Variants in HECW1 observed in about 807,000 individuals in gnomAD.
HECW1 encodes E3 ubiquitin-protein ligase HECW1.
A neutral mutation model predicts 182.3 loss-of-function variants in HECW1; 61 were observed. The ratio of observed to expected loss-of-function variants is 0.33; its 90% CI spans 0.27 to 0.41. HECW1 has a LOEUF of 0.41. Among genes scored for constraint, HECW1 ranks in the 10% least tolerant of loss-of-function variants. HECW1 has a pLI of 1.00. For synonymous variants in HECW1, 859 were observed against 832.6 expected (o/e 1.03, Z -0.55); for missense variants, 1,739 against 2,108.9 (o/e 0.82, Z 3.44).
rs1206355886 is a variant in HECW1, at chr7:43,445,095, C to T, written c.1923C>T (p.Ala641=). 6.2e-7 allele frequency: 1 copy of T among 1,605,068 alleles called. No homozygotes were observed. The highest frequency in any genetic ancestry group is 1.7e-5 in the Admixed American group (1 of 59,770). ...CCGGGGGCCACTTCCCCAGCCTGGC[C>T]AATGGCGCGGCCCAGGATGGCGACA... ...GHSGGHFPSL[A]NGAAQDGDTH... The change falls in exon 11 of 30, where the codon GCC becomes GCT. Residue 641 remains alanine (A), a synonymous_variant. Coordinates refer to ENST00000395891, the MANE Select transcript of HECW1 (RefSeq NM_015052.5).
intron 6 of HECW1, among the ~76,000 whole-genome samples, chr7:43,367,579 A>G (rs1466013946): frequency 2.0e-5 from 3 of 152,238 alleles, no homozygotes; most frequent in Non-Finnish European, 2.9e-5. Flanking sequence ...GATAAAACAC[A>G]ATAAAAGTAA....
chr7:43,193,232 T>C (rs550405818), intron 2 of HECW1, among the ~76,000 whole-genome samples: 178 of 152,318 alleles, frequency 1.2e-3, no homozygotes, highest in African/African-American at 4.0e-3. Context: ...CATCTTGGTT[T>C]TGGCAGGTTT....
At chr7:43,414,957 G>A (rs2075939178) in intron 8 of HECW1, among the ~76,000 whole-genome samples, 1 of 152,164 alleles carries the variant, frequency 6.6e-6, no homozygotes, top group Non-Finnish European at 1.5e-5. Context: ...GTATCAGAAT[G>A]ATGCTGGCCT....
chr7:43,319,605 T>G (rs1474929837), intron 4 of HECW1, among the ~76,000 whole-genome samples: 1 of 101,314 alleles, frequency 9.9e-6, no homozygotes, highest in Non-Finnish European at 1.9e-5. Context: ...TCTTTTCTTT[T>G]TTTTTTTTTT....
intron 24 of HECW1, among the ~76,000 whole-genome samples, chr7:43,515,619 T>C (rs751911541): frequency 6.6e-6 from 1 of 152,204 alleles, no homozygotes; most frequent in African/African-American, 2.4e-5. Context: ...CAAATACTTA[T>C]CAGTGCAAAG....
chr7:43,307,903 T>TATATATATAC (rs1562812084), intron 3 of HECW1, among the ~76,000 whole-genome samples: 68 of 135,920 alleles, frequency 5.0e-4, no homozygotes, highest in African/African-American at 1.8e-3. Context: ...TATACACATA[T>TATATATATAC]ATATATATAT....
intron 2 of HECW1, among the ~76,000 whole-genome samples, chr7:43,224,604 G>A (rs924958398): frequency 2.0e-5 from 3 of 152,244 alleles, no homozygotes; most frequent in South Asian, 2.1e-4. Flanking sequence ...GCAATTGCTC[G>A]AGCCCAGGAG....
At chr7:43,404,463 G>A (rs1310825951) in intron 7 of HECW1, among the ~76,000 whole-genome samples, 2 of 152,186 alleles carry the variant, frequency 1.3e-5, no homozygotes, top group East Asian at 3.8e-4. Flanking sequence ...AAATGGCTGA[G>A]TGATAAAGAA....
intron 8 of HECW1, among the ~76,000 whole-genome samples, chr7:43,416,082 TC>T (rs1207315538): frequency 3.9e-5 from 6 of 152,118 alleles, no homozygotes; most frequent in Admixed American, 3.9e-4. Context: ...AGAACTGCGT[TC>T]CTTTGGAGGA....
chr7:43,219,632 A>G (rs765695822), intron 2 of HECW1, among the ~76,000 whole-genome samples: 4 of 151,388 alleles, frequency 2.6e-5, no homozygotes, highest in Admixed American at 1.3e-4. Flanking sequence ...TGCACCAATA[A>G]TTAGAATAGA....
At chr7:43,461,991 C>T (rs755183955) in intron 13 of HECW1, among the ~76,000 whole-genome samples, 11 of 152,236 alleles carry the variant, frequency 7.2e-5, no homozygotes, top group Non-Finnish European at 1.2e-4. Context: ...TTAACAATCA[C>T]TCAGATGATG....
intron 3 of HECW1, among the ~76,000 whole-genome samples, chr7:43,286,702 G>A (rs752739432): frequency 2.7e-4 from 41 of 152,076 alleles, no homozygotes; most frequent in Non-Finnish European, 4.6e-4. Context: ...TTGGGAGGAG[G>A]GATATCACCA....
intron 5 of HECW1, among the ~76,000 whole-genome samples, chr7:43,323,644 A>G (rs1011709993): frequency 1.3e-5 from 2 of 152,232 alleles, no homozygotes; most frequent in African/African-American, 4.8e-5. Context: ...ATACATTATA[A>G]TATAAAACCA....
At chr7:43,289,332 C>T (rs1000898747) in intron 3 of HECW1, among the ~76,000 whole-genome samples, 1 of 152,180 alleles carries the variant, frequency 6.6e-6, no homozygotes, top group Non-Finnish European at 1.5e-5. Flanking sequence ...GTCTCAATCT[C>T]CTGACCTCGT....
At chr7:43,415,315 T>G (rs1258525292) in intron 8 of HECW1, among the ~76,000 whole-genome samples, 3 of 145,760 alleles carry the variant, frequency 2.1e-5, no homozygotes, top group Non-Finnish European at 4.5e-5. Flanking sequence ...TATGAAATTC[T>G]GGGTTGAAAA....
chr7:43,488,166 C>A (rs965009109), intron 17 of HECW1, among the ~76,000 whole-genome samples: 9 of 151,690 alleles, frequency 5.9e-5, no homozygotes, highest in Non-Finnish European at 1.0e-4. Context: ...AAAAATTAAC[C>A]AGGCATGGTG....
intron 6 of HECW1, among the ~76,000 whole-genome samples, chr7:43,373,042 G>A (rs2074174780): frequency 6.6e-6 from 1 of 152,072 alleles, no homozygotes; most frequent in African/African-American, 2.4e-5. Context: ...GCCAGAAATG[G>A]AGAGGAATTT....
chr7:43,296,544 T>G (rs996628337), intron 3 of HECW1, among the ~76,000 whole-genome samples: 2 of 152,166 alleles, frequency 1.3e-5, no homozygotes, highest in African/African-American at 4.8e-5. Context: ...AGCCTCAAGT[T>G]GAAACATGAG....
intron 12 of HECW1, among the ~76,000 whole-genome samples, chr7:43,454,541 C>A (rs1219964231): frequency 1.3e-5 from 2 of 152,120 alleles, no homozygotes; most frequent in Middle Eastern, 3.2e-3. Context: ...CTATTTTAAT[C>A]AAAATCTCCT....
Sources: gnomAD v4.1 joint callset for allele counts (sites outside exome capture counted in the v4.1 genomes callset) on GRCh38, gnomAD v4.1.1 for gene constraint, MANE v1.5 for transcripts, NCBI Gene and HGNC (gene_info 2026-07-23, HGNC 2026-07-21) for gene names.